Variants in ERMARD observed in about 807,000 individuals in gnomAD.
ERMARD encodes ER membrane associated RNA degradation, also known as endoplasmic reticulum membrane-associated RNA degradation protein.
A neutral mutation model predicts 83.9 loss-of-function variants in ERMARD; 71 were observed. The observed-to-expected ratio is 0.85, with a 90% CI of 0.70 to 1.03. ERMARD has a LOEUF of 1.03. Among genes scored for constraint, ERMARD ranks in the 50% least tolerant of loss-of-function variants. ERMARD has a pLI of 0.00. For missense variants in ERMARD, 838 were observed against 810.9 expected (o/e 1.03, Z -0.41); for synonymous variants, 284 against 298.6 (o/e 0.95, Z 0.50).
chr6:169,759,896 C>T lies in ERMARD; in HGVS notation c.664C>T (p.Leu222Phe). 1 of 1,614,192 alleles carries T rather than the reference C, an allele frequency of 6.2e-7. No homozygotes were observed. Among genetic ancestry groups the T allele is most frequent in the South Asian group, 1.1e-5 (1 of 91,080 alleles). Residue 222 changes from leucine to phenylalanine, a missense_variant, in exon 7 of 18, where the codon CTT becomes TTT. By Grantham distance (22) the Leu-to-Phe change is conservative. Coordinates refer to ENST00000366773, the MANE Select transcript of ERMARD (RefSeq NM_018341.3). ...ATTGGGTCAGTTACTGAAGAGTTAC[C>T]TTCAAAACACTAAACTTACATTGGC... ...AGLGQLLKSY[L>F]QNTKLTLAHR...
intron 12 of ERMARD, 75 bp downstream of exon 12, chr6:169,769,788 T>A: frequency 2.3e-6 from 3 of 1,319,572 alleles, no homozygotes; most frequent in Non-Finnish European, 3.0e-6. Context: ...TTTTCAAATG[T>A]AATTAACTGT....
intron 12 of ERMARD, chr6:169,771,002 T>A (rs1340831388): frequency 6.6e-6 from 1 of 152,044 alleles, no homozygotes; most frequent in Non-Finnish European, 1.5e-5. Flanking sequence ...CTGAAAAGAA[T>A]CTTTGCTTTT....
At chr6:169,761,944 A>G (rs1021327192) in intron 8 of ERMARD, among the ~76,000 whole-genome samples, 8 of 151,452 alleles carry the variant, frequency 5.3e-5, no homozygotes, top group African/African-American at 1.5e-4. Context: ...CAGCCTCCCA[A>G]AGTGCTGGGA....
intron 12 of ERMARD, 81 bp downstream of exon 12, chr6:169,769,794 A>C: frequency 4.7e-6 from 6 of 1,280,612 alleles, no homozygotes; most frequent in Non-Finnish European, 6.3e-6. Context: ...AATGTAATTA[A>C]CTGTTAATCA....
At chr6:169,765,704 G>A (rs932772686) in intron 9 of ERMARD, among the ~76,000 whole-genome samples, 1 of 152,196 alleles carries the variant, frequency 6.6e-6, no homozygotes, top group Admixed American at 6.5e-5. Context: ...TTGGCAATAT[G>A]AAATTTAAAA....
Position 169,751,623 on chromosome 6 carries a change from T to A in ERMARD, c.-35T>A, listed in dbSNP as rs1255082743. ...GAGGAGGGGCGCGCAGGCGCCTGCG[T>A]CATTCACGCGCGCCGCAGCGGGGCA... On this transcript the variant is annotated 5_prime_UTR_variant, in exon 1 of 18. Transcript: ENST00000366773. 6.3e-7 allele frequency: 1 copy of A among 1,578,160 alleles called. No homozygotes were observed. The highest frequency in any genetic ancestry group is 8.6e-7 in the Non-Finnish European group (1 of 1,161,694).
At chr6:169,772,968 G>A (rs188297334) in intron 12 of ERMARD, 141 of 210,990 alleles carry the variant, frequency 6.7e-4, no homozygotes, top group African/African-American at 2.0e-3. Context: ...ATGTTTATGC[G>A]ATCCTTTTTT....
At chr6:169,772,595 C>T (rs569309388) in intron 12 of ERMARD, among the ~76,000 whole-genome samples, 79 of 151,826 alleles carry the variant, frequency 5.2e-4, no homozygotes, top group African/African-American at 1.7e-3. Context: ...GGTGAAACCC[C>T]GTCTCTACTA....
rs1032476148 is a variant in ERMARD, at chr6:169,751,840, C to G, written c.6+177C>G. 17 of 959,430 alleles carry G rather than the reference C, an allele frequency of 1.8e-5. No individual in the cohort carries two copies. In the African/African-American group the frequency reaches 3.0e-4, roughly 17 times the overall value. 59.4% of individuals were successfully genotyped at this position (959,430 alleles called of 1,614,324 possible). A position where few individuals can be genotyped will look rare whatever the true frequency, so the allele number is the denominator to read the frequency against. ...CTGGCCTCTGTGGCGGTATCGGACG[C>G]TCGGCCCTGCAAGACGCCTGGCGGG... On this transcript the variant is annotated intron_variant, in intron 1 of 17. Transcript: ENST00000366773.
chr6:169,756,602 A>G, intron 4 of ERMARD, 117 bp from the exon 5 acceptor site: 1 of 977,876 alleles, frequency 1.0e-6, no homozygotes, highest in Non-Finnish European at 1.5e-6. Flanking sequence ...AAATCAAAGG[A>G]TTGGTGTCTA....
intron 10 of ERMARD, chr6:169,767,011 A>G (rs1792293349): frequency 4.7e-6 from 1 of 213,040 alleles, no homozygotes; most frequent in Non-Finnish European, 9.2e-6. Context: ...AGTGTGTGGG[A>G]TACATTGATT....
intron 12 of ERMARD, chr6:169,773,035 T>G: frequency 2.8e-6 from 1 of 350,934 alleles, no homozygotes. Flanking sequence ...TTTCCAATTG[T>G]TTGGAATCTT....
chr6:169,771,080 T>TC (rs929533246), intron 12 of ERMARD: 1 of 150,340 alleles, frequency 6.7e-6, no homozygotes, highest in African/African-American at 2.5e-5. Context: ...TTTCTTTCTT[T>TC]TTTTTTTGTT....
chr6:169,765,936 A>G (rs550567615), intron 9 of ERMARD, among the ~76,000 whole-genome samples: 20 of 90,086 alleles, frequency 2.2e-4, no homozygotes, highest in African/African-American at 9.2e-4. Context: ...GCTGTCTGTC[A>G]AATCTCACTG....
intron 12 of ERMARD, chr6:169,772,972 C>A: frequency 4.6e-6 from 1 of 218,738 alleles, no homozygotes; most frequent in East Asian, 9.9e-5. Context: ...TTATGCGATC[C>A]TTTTTTTAGT....
intron 2 of ERMARD, 134 bp downstream of exon 2, chr6:169,754,166 A>G: frequency 1.3e-6 from 1 of 784,010 alleles, no homozygotes; most frequent in Non-Finnish European, 1.9e-6. Context: ...TCCAAGGAGA[A>G]CAGGAATCAA....
chr6:169,752,831 A>T (rs1231023182), intron 1 of ERMARD, among the ~76,000 whole-genome samples: 2 of 152,228 alleles, frequency 1.3e-5, no homozygotes, highest in Non-Finnish European at 2.9e-5. Flanking sequence ...ATGGAAAACC[A>T]GTACGGTTTG....
At position 169,768,278 on chromosome 6, in the gene ERMARD, C is replaced by A. The variant is rs1792463802; in HGVS notation, c.1059+107C>A. On this transcript the variant is annotated intron_variant, in intron 11 of 17. Coordinates refer to ENST00000366773, the MANE Select transcript of ERMARD (RefSeq NM_018341.3). ...GCTTGTGGTTTGCTCAAGAAAAATA[C>A]TTCTGAAACATTGCTGTGCTGTCTC... is the stretch of plus-strand genomic sequence containing the variant. The A allele has an allele frequency of 3.1e-6, 3 of 977,548 alleles. No homozygotes were observed. In the South Asian group the frequency reaches 4.5e-5, roughly 15 times the overall value. The allele number at this position is 977,548 out of a possible 1,614,324, so 60.6% of individuals were successfully genotyped here.
intron 8 of ERMARD, among the ~76,000 whole-genome samples, chr6:169,761,249 C>T (rs1453148001): frequency 6.6e-6 from 1 of 152,206 alleles, no homozygotes; most frequent in Non-Finnish European, 1.5e-5. Flanking sequence ...CTGGGTCTCA[C>T]CCTGTCCTCC....
Sources: gnomAD v4.1 joint callset for allele counts (sites outside exome capture counted in the v4.1 genomes callset) on GRCh38, gnomAD v4.1.1 for gene constraint, MANE v1.5 for transcripts, NCBI Gene and HGNC (gene_info 2026-07-23, HGNC 2026-07-21) for gene names.